The following CNTN4 variants were observed in gnomAD, a reference collection of about 807,000 sequenced individuals.
CNTN4 encodes contactin-4.
In CNTN4, 77 loss-of-function variants were observed where a neutral mutation model predicts 122.5. The observed-to-expected ratio is 0.63, with a 90% CI of 0.52 to 0.76. The LOEUF is 0.76. CNTN4 is among the 30% of genes least tolerant of loss of function. The pLI is 0.00. For missense variants in CNTN4, 1,256 were observed against 1,259.1 expected (o/e 1.00, Z 0.04); for synonymous variants, 512 against 447.0 (o/e 1.15, Z -1.83).
chr3:2,939,889 G>A (rs771710151), intron 13 of CNTN4, among the ~76,000 whole-genome samples: 5 of 152,198 alleles, frequency 3.3e-5, no homozygotes, highest in East Asian at 1.9e-4. Flanking sequence ...TCTGTTCAGC[G>A]ATAGCTCACA....
chr3:2,323,048 A>G (rs1164825993), intron 2 of CNTN4, among the ~76,000 whole-genome samples: 2 of 152,178 alleles, frequency 1.3e-5, no homozygotes, highest in African/African-American at 4.8e-5. Flanking sequence ...ACAGAGCCTC[A>G]GCTTGATAAG....
intron 3 of CNTN4, among the ~76,000 whole-genome samples, chr3:2,565,702 A>G (rs368888712): frequency 2.4e-4 from 36 of 152,332 alleles, no homozygotes; most frequent in African/African-American, 7.9e-4. Flanking sequence ...ATTGAACATT[A>G]AGATTTTACT....
intron 10 of CNTN4, among the ~76,000 whole-genome samples, chr3:2,895,917 C>T (rs2094108008): frequency 6.6e-6 from 1 of 152,148 alleles, no homozygotes; most frequent in Non-Finnish European, 1.5e-5. Context: ...CCTGTGGTCC[C>T]AGCTACTCGG....
At chr3:2,211,713 C>T (rs1228099181) in intron 2 of CNTN4, among the ~76,000 whole-genome samples, 1 of 151,990 alleles carries the variant, frequency 6.6e-6, no homozygotes, top group Non-Finnish European at 1.5e-5. Flanking sequence ...ATTTTGAAAT[C>T]TCAGTCTGTA....
chr3:2,602,850 G>T (rs139844535), intron 4 of CNTN4, among the ~76,000 whole-genome samples: 2 of 152,288 alleles, frequency 1.3e-5, no homozygotes, highest in East Asian at 3.9e-4. Context: ...CCCACTGAAT[G>T]TGCTTTCTTA....
intron 6 of CNTN4, among the ~76,000 whole-genome samples, chr3:2,757,369 C>G (rs2090385322): frequency 6.6e-6 from 1 of 152,130 alleles, no homozygotes. Flanking sequence ...AGTTTGTTGG[C>G]CCTGAGTCCC....
intron 3 of CNTN4, among the ~76,000 whole-genome samples, chr3:2,452,937 T>C (rs908817520): frequency 6.6e-6 from 1 of 152,130 alleles, no homozygotes; most frequent in African/African-American, 2.4e-5. Context: ...GTTGTAATAC[T>C]GGCCTTCATT....
rs1321702115 is a variant in CNTN4 at position 3,034,644 on chromosome 3, C to G, written c.1796C>G (p.Pro599Arg). 2 of 1,614,104 alleles carry G rather than the reference C, an allele frequency of 1.2e-6. No individual in the cohort carries two copies. The highest frequency in any genetic ancestry group is 2.2e-5 in the South Asian group (2 of 91,068). ...TGCTCTTTCCCAGGTCCTCCAGGTC[C>G]CCCAGAGGCTGTGACAATAGACGAA... ...ADLIVRGPPG[P>R]PEAVTIDEIT... Residue 599 changes from proline to arginine, a missense_variant, in exon 17 of 25, where the codon CCC (proline) becomes CGC (arginine). Coordinates refer to ENST00000418658, the MANE Select transcript of CNTN4 (RefSeq NM_175607.3).
At chr3:2,557,911 A>G (rs868343045) in intron 3 of CNTN4, among the ~76,000 whole-genome samples, 1 of 152,132 alleles carries the variant, frequency 6.6e-6, no homozygotes, top group Non-Finnish European at 1.5e-5. Flanking sequence ...AATTTTTCCT[A>G]TGACTAGCTG....
At position 2,563,325 on chromosome 3, in the gene CNTN4, G is replaced by C. The variant is rs548171886; in HGVS notation, c.-88-8091G>C. Among the ~76,000 whole-genome samples the C allele has an allele frequency of 3.9e-5, 6 of 152,228 alleles. No individual in the cohort carries two copies. In the East Asian group the frequency reaches 1.2e-3, roughly 29 times the overall value. Reference sequence around the variant, plus strand: ...TATACAATAAACAGGGAAAATCAGAGAAAGTTCTATCTATTACTTATTAAT... The same window carrying C: ...TATACAATAAACAGGGAAAATCAGACAAAGTTCTATCTATTACTTATTAAT... On this transcript the variant is annotated intron_variant, in intron 3 of 24. Coordinates refer to ENST00000418658, the MANE Select transcript of CNTN4 (RefSeq NM_175607.3).
intron 3 of CNTN4, among the ~76,000 whole-genome samples, chr3:2,480,019 T>G (rs1245591429): frequency 6.6e-6 from 1 of 152,136 alleles, no homozygotes; most frequent in Non-Finnish European, 1.5e-5. Flanking sequence ...GAAGAAAAAT[T>G]AGACAGTTAT....
intron 3 of CNTN4, among the ~76,000 whole-genome samples, chr3:2,351,327 A>C (rs2044608465): frequency 6.6e-6 from 1 of 152,202 alleles, no homozygotes; most frequent in African/African-American, 2.4e-5. Context: ...TAGGCGCAGA[A>C]ATGTTTGGTT....
intron 2 of CNTN4, among the ~76,000 whole-genome samples, chr3:2,199,039 A>G (rs1347570871): frequency 6.6e-6 from 1 of 152,236 alleles, no homozygotes; most frequent in Non-Finnish European, 1.5e-5. Context: ...CCCATGGCCA[A>G]GAGATGTCAG....
chr3:2,139,835 A>T (rs1286502511), intron 2 of CNTN4, among the ~76,000 whole-genome samples: 2 of 152,140 alleles, frequency 1.3e-5, no homozygotes, highest in Admixed American at 6.5e-5. Flanking sequence ...TCAGCAACCT[A>T]TCACAGATGT....
At chr3:2,420,747 G>A (rs1224072681) in intron 3 of CNTN4, among the ~76,000 whole-genome samples, 1 of 152,012 alleles carries the variant, frequency 6.6e-6, no homozygotes, top group Non-Finnish European at 1.5e-5. Context: ...TTCTTTACTG[G>A]ACGCCTTCAA....
At chr3:3,041,812 G>A (rs952622404) in intron 20 of CNTN4, among the ~76,000 whole-genome samples, 2 of 152,074 alleles carry the variant, frequency 1.3e-5, no homozygotes, top group African/African-American at 2.4e-5. Flanking sequence ...AAAAACATTA[G>A]CCAGGCGTGT....
At chr3:2,477,111 G>A (rs1372879639) in intron 3 of CNTN4, among the ~76,000 whole-genome samples, 3 of 152,154 alleles carry the variant, frequency 2.0e-5, no homozygotes. Flanking sequence ...AAAAATAAAT[G>A]TAAAATCTGG....
intron 3 of CNTN4, among the ~76,000 whole-genome samples, chr3:2,467,871 C>A (rs1284531945): frequency 6.6e-6 from 1 of 152,188 alleles, no homozygotes; most frequent in African/African-American, 2.4e-5. Context: ...TTTTGCCATT[C>A]ATGCAGCATT....
intron 2 of CNTN4, among the ~76,000 whole-genome samples, chr3:2,139,782 G>A (rs1030854200): frequency 6.6e-6 from 1 of 152,216 alleles, no homozygotes; most frequent in African/African-American, 2.4e-5. Flanking sequence ...CTCTTCCTCA[G>A]TGTAGCCACT....
Sources: gnomAD v4.1 joint callset for allele counts (sites outside exome capture counted in the v4.1 genomes callset) on GRCh38, gnomAD v4.1.1 for gene constraint, MANE v1.5 for transcripts, NCBI Gene and HGNC (gene_info 2026-07-23, HGNC 2026-07-21) for gene names.